Variants in PPFIBP1 observed in about 807,000 individuals in gnomAD.
PPFIBP1 encodes the protein liprin-beta-1.
In PPFIBP1, 112 loss-of-function variants were observed where a neutral mutation model predicts 137.8. The observed-to-expected ratio is 0.81, with a 90% confidence interval of 0.70 to 0.95. The LOEUF (loss-of-function observed/expected upper bound fraction) is 0.95, where lower values mean the gene tolerates loss of function less well. Among genes scored for constraint, PPFIBP1 ranks in the 40% least tolerant of loss-of-function variants. The pLI is 0.00. For missense variants in PPFIBP1, 1,083 were observed against 1,196.6 expected, an observed-to-expected ratio of 0.91 and a Z score of 1.40; for synonymous variants, 378 against 417.3, an observed-to-expected ratio of 0.91 and a Z score of 1.15.
intron 27 of PPFIBP1, among the ~76,000 whole-genome samples, chr12:27,691,383 C>T (rs1241169817): frequency 6.6e-6 from 1 of 151,860 alleles, no homozygotes; most frequent in African/African-American, 2.4e-5. Context: ...TGAGGCCAGC[C>T]TGGGCAACAT....
chr12:27,645,736 A>G (rs959351404), intron 4 of PPFIBP1, among the ~76,000 whole-genome samples: 31 of 152,184 alleles, frequency 2.0e-4, no homozygotes, highest in African/African-American at 7.5e-4. Context: ...GGTGCCCCCT[A>G]CATACTCACA....
At chr12:27,592,662 AG>A in intron 2 of PPFIBP1, 2 of 1,568,486 alleles carry the variant, frequency 1.3e-6, no homozygotes, top group Non-Finnish European at 1.8e-6. Context: ...GTGTGTGGGA[AG>A]GAGTGTCATC....
intron 19 of PPFIBP1, chr12:27,677,354 A>G (rs188792787): frequency 3.9e-4 from 215 of 550,716 alleles, no homozygotes; most frequent in Non-Finnish European, 5.7e-4. Context: ...CGTGTGCAGC[A>G]TCCCTCAGAG....
Position 27,685,312 on chromosome 12 carries a change from A to G in PPFIBP1, c.2248-2073A>G, listed in dbSNP as rs538025596. Among the ~76,000 whole-genome samples, 3 of 152,078 alleles carry G rather than the reference A, an allele frequency of 2.0e-5. No homozygotes were observed. In the East Asian group the frequency reaches 5.8e-4, roughly 29 times the overall value. On this transcript the variant is annotated intron_variant, in intron 24 of 29. Coordinates refer to ENST00000228425, the MANE Select transcript of PPFIBP1 (RefSeq NM_003622.4). The stretch of plus-strand genomic sequence containing the variant: ...ACACACACACACACTCTGTGTATCT[A>G]TAGTATTATAATACTATTATTATCC...
intron 11 of PPFIBP1, among the ~76,000 whole-genome samples, chr12:27,663,819 G>A (rs1327061423): frequency 6.6e-6 from 1 of 150,562 alleles, no homozygotes; most frequent in African/African-American, 2.5e-5. Context: ...CAGCCTGGGT[G>A]ACAGAGCGAG....
At chr12:27,635,347 A>G (rs1289494072) in intron 4 of PPFIBP1, 1 of 597,986 alleles carries the variant, frequency 1.7e-6, no homozygotes, top group Admixed American at 3.0e-5. Context: ...TGCCCATAAA[A>G]ACAGACTGGC....
In PPFIBP1 at chr12:27,634,445, A is replaced by G. The variant is rs1196321978; in HGVS notation, c.65-465A>G. Among the ~76,000 whole-genome samples the G allele has an allele frequency of 5.9e-5, 9 of 152,300 alleles. No homozygotes were observed. In the East Asian group the frequency reaches 1.5e-3, roughly 26 times the overall value. ...GCACACCAGTATAATCATTTAATGC[A>G]TTGAGCTCATTATCTTTCCTCAGAA... is the stretch of plus-strand genomic sequence containing the variant. On this transcript the variant is annotated intron_variant, in intron 3 of 29. Coordinates refer to ENST00000228425, the MANE Select transcript of PPFIBP1 (RefSeq NM_003622.4).
At position 27,680,064 on chromosome 12, in the gene PPFIBP1, A is replaced by G. The variant is rs2060788057; in HGVS notation, c.1895+3A>G. On this transcript the variant is annotated splice_donor_region_variant and intron_variant, in intron 21 of 29. Coordinates refer to ENST00000228425, the MANE Select transcript of PPFIBP1 (RefSeq NM_003622.4). ...CGAGACTTGGGACAGTCTAACAGGT[A>G]AGAAGAGCCAACTGATAGACTTTTG... 4 of 1,613,620 alleles carry G rather than the reference A, an allele frequency of 2.5e-6. No individual in the cohort carries two copies. Among genetic ancestry groups the G allele is most frequent in the Admixed American group, 1.7e-5 (1 of 59,956 alleles).
At chr12:27,550,977 T>TTATATATATATA (rs373063647) in intron 1 of PPFIBP1, among the ~76,000 whole-genome samples, 1 of 135,942 alleles carries the variant, frequency 7.4e-6, no homozygotes, top group African/African-American at 2.9e-5. Flanking sequence ...GGCACTAATT[T>TTATATATATATA]TATATATATA....
rs540094595 is a variant in PPFIBP1, at chr12:27,682,575, G to A, written c.2159-40G>A. On this transcript the variant is annotated intron_variant, in intron 23 of 29. Transcript: ENST00000228425. ...TTTCTTTTTAATCACAAGAACAGAT[G>A]TTTTGTGGCATGGTAGCAACACTGG... is the stretch of plus-strand genomic sequence containing the variant. The A allele has an allele frequency of 1.2e-5, 20 of 1,610,862 alleles. No individual in the cohort carries two copies. The East Asian group carries it at 4.0e-4, about 32-fold the overall frequency.
intron 19 of PPFIBP1, among the ~76,000 whole-genome samples, chr12:27,678,586 G>A (rs954208777): frequency 1.3e-5 from 2 of 152,096 alleles, no homozygotes; most frequent in South Asian, 2.1e-4. Flanking sequence ...GAGGCCAGGC[G>A]TGGTGGCTCA....
In PPFIBP1 at chr12:27,633,428, C is replaced by T. The variant is rs761746359; in HGVS notation, c.32C>T (p.Ala11Val). 1.2e-6 allele frequency: 2 copies of T among 1,613,298 alleles called. No homozygotes were observed. The highest frequency in any genetic ancestry group is 1.7e-6 in the Non-Finnish European group (2 of 1,179,944). Residue 11 changes from alanine (A) to valine (V), a missense_variant, in exon 3 of 30, where the codon GCA becomes GTA. Coordinates refer to ENST00000228425, the MANE Select transcript of PPFIBP1 (RefSeq NM_003622.4). Reference sequence around the variant, plus strand: ...AGTGATGCAAGTGACATGTTGGCTGCAGCGTTGGAGCAGATGGATGGTATC... The same window carrying T: ...AGTGATGCAAGTGACATGTTGGCTGTAGCGTTGGAGCAGATGGATGGTATC... The part of the protein sequence containing the change: MMSDASDMLA[A>V]ALEQMDGIIA...
intron 2 of PPFIBP1, chr12:27,584,317 C>T (rs145571939): frequency 2.0e-5 from 3 of 152,348 alleles, no homozygotes; most frequent in Non-Finnish European, 4.4e-5. Flanking sequence ...GGTTGATCGA[C>T]AAGTACAAAC....
chr12:27,680,741 G>C (rs2060826769), intron 21 of PPFIBP1, among the ~76,000 whole-genome samples: 1 of 152,184 alleles, frequency 6.6e-6, no homozygotes, highest in African/African-American at 2.4e-5. Context: ...GGCTGGCTTA[G>C]AACTACTACA....
intron 1 of PPFIBP1, among the ~76,000 whole-genome samples, chr12:27,563,162 C>T (rs992441237): frequency 1.1e-4 from 17 of 149,684 alleles, no homozygotes; most frequent in African/African-American, 4.2e-4. Flanking sequence ...ACAATTCAGG[C>T]CAGGTGTGGT....
chr12:27,619,398 A>G (rs2056113834), intron 2 of PPFIBP1, among the ~76,000 whole-genome samples: 1 of 152,060 alleles, frequency 6.6e-6, no homozygotes, highest in Non-Finnish European at 1.5e-5. Context: ...TTTTTTTCAA[A>G]TATTTTCTAT....
intron 2 of PPFIBP1, chr12:27,594,082 A>G (rs2137410044): frequency 7.9e-7 from 1 of 1,258,076 alleles, no homozygotes; most frequent in East Asian, 2.9e-5. Flanking sequence ...AGAAGCTTCA[A>G]AAAAAGAAAA....
chr12:27,555,323 G>T (rs2136267461), intron 1 of PPFIBP1, among the ~76,000 whole-genome samples: 1 of 152,296 alleles, frequency 6.6e-6, no homozygotes, highest in African/African-American at 2.4e-5. Flanking sequence ...CACAATAACT[G>T]CTTGTTTCTC....
Position 27,647,723 on chromosome 12 carries a change from A to G in PPFIBP1, c.358-6A>G, listed in dbSNP as rs2058621150. ...CACTCATTGCATTATTTTGCTCTAA[A>G]TACAGGTAAGTGTGTTAACAGACCA... On this transcript the variant is annotated splice_region_variant and splice_polypyrimidine_tract_variant and intron_variant, in intron 5 of 29. Coordinates refer to ENST00000228425, the MANE Select transcript of PPFIBP1 (RefSeq NM_003622.4). The G allele has an allele frequency of 6.3e-7, 1 of 1,577,228 alleles. No individual in the cohort carries two copies. The highest frequency in any genetic ancestry group is 1.2e-5 in the South Asian group (1 of 84,648).
Sources: allele counts gnomAD v4.1 joint callset (sites outside exome capture counted in the v4.1 genomes callset), GRCh38; gene constraint gnomAD v4.1.1; transcripts MANE v1.5; gene names NCBI Gene and HGNC (gene_info 2026-07-23, HGNC 2026-07-21).